The following C17orf78 variants were observed in gnomAD, a reference collection of about 807,000 sequenced individuals.
The protein encoded by C17orf78 is uncharacterized protein C17orf78.
A neutral mutation model predicts 31.8 loss-of-function variants in C17orf78; 27 were observed. That is an observed-to-expected ratio of 0.85 (90% CI 0.63 to 1.17). The LOEUF (loss-of-function observed/expected upper bound fraction) is 1.17. C17orf78 is among the 50% of genes most tolerant of loss of function. The pLI, the probability that C17orf78 is intolerant of heterozygous loss-of-function variation, is 0.00. For synonymous variants in C17orf78, 106 were observed against 115.1 expected (o/e 0.92, Z 0.51); for missense variants, 258 against 315.2 (o/e 0.82, Z 1.37).
chr17:37,387,915 A>T (rs531766572), intron 4 of C17orf78: 1 of 152,310 alleles, frequency 6.6e-6, no homozygotes, highest in South Asian at 2.1e-4. Context: ...GTAATATTCC[A>T]GCACTTTGGG....
intron 5 of C17orf78, 150 bp from the exon 6 acceptor site, chr17:37,389,096 T>TA: frequency 8.8e-7 from 1 of 1,132,608 alleles, no homozygotes; most frequent in Non-Finnish European, 1.2e-6. Context: ...CTGCTGTACT[T>TA]AGACATTTTC....
chr17:37,377,892 C>A lies in C17orf78; in HGVS notation c.72C>A (p.Ser24Arg). 6.2e-7 allele frequency: 1 copy of A among 1,613,376 alleles called. No individual in the cohort carries two copies. The highest frequency in any genetic ancestry group is 8.5e-7 in the Non-Finnish European group (1 of 1,179,626). The change falls in exon 2 of 7, where the codon AGC (serine) becomes AGA (arginine). Residue 24 changes from serine (S) to arginine (R), a missense_variant. Physicochemically the swap from Ser to Arg is moderately radical, Grantham distance 110. Coordinates refer to ENST00000615133, the MANE Select transcript of C17orf78 (RefSeq NM_173625.5). ...YDANKKDLRD[S>R]SCRLEQLPGI... ...GCTCACCCCCAGACCTCAGAGATAG[C>A]AGTTGCCGACTGGAACAGCTGCCTG... is the stretch of plus-strand genomic sequence containing the variant.
chr17:37,391,221 G>C (rs1467760768), intron 6 of C17orf78, among the ~76,000 whole-genome samples: 1 of 152,114 alleles, frequency 6.6e-6, no homozygotes, highest in African/African-American at 2.4e-5. Context: ...CTCGGTGACA[G>C]AGCGAGACTC....
chr17:37,381,132 G>T (rs1040050594), intron 3 of C17orf78, among the ~76,000 whole-genome samples: 1 of 151,790 alleles, frequency 6.6e-6, no homozygotes. Context: ...ACACTGTTCT[G>T]CCCCTTGCTT....
At chr17:37,383,555 T>C (rs1038683111) in intron 3 of C17orf78, among the ~76,000 whole-genome samples, 7 of 152,198 alleles carry the variant, frequency 4.6e-5, no homozygotes, top group African/African-American at 1.4e-4. Context: ...AAAAAACCTA[T>C]TTATTTATTT....
chr17:37,381,911 G>C (rs556649805), intron 3 of C17orf78, among the ~76,000 whole-genome samples: 1 of 152,164 alleles, frequency 6.6e-6, no homozygotes, highest in African/African-American at 2.4e-5. Context: ...ACAGGCGTGA[G>C]CCACTGCACC....
At chr17:37,390,187 T>TTATATATAAA (rs2050748171) in intron 6 of C17orf78, among the ~76,000 whole-genome samples, 2 of 44,688 alleles carry the variant, frequency 4.5e-5, no homozygotes, top group Non-Finnish European at 7.5e-5. Flanking sequence ...CACACACACA[T>TTATATATAAA]TATATATAAA....
At chr17:37,383,509 A>G (rs2050394338) in intron 3 of C17orf78, among the ~76,000 whole-genome samples, 1 of 152,250 alleles carries the variant, frequency 6.6e-6, no homozygotes, top group Non-Finnish European at 1.5e-5. Flanking sequence ...ATCATCACTC[A>G]TGATACATTT....
Position 37,390,307 on chromosome 17 carries a change from TATATATATA to T in C17orf78, c.750+946_750+954del, listed in dbSNP as rs2050793667. Among the ~76,000 whole-genome samples the T allele has an allele frequency of 4.4e-4, 19 of 42,952 alleles. 2 individuals carry two copies. In the East Asian group the frequency reaches 0.028, roughly 64 times the overall value. The allele number at this position is 42,952 out of a possible 152,430, so 28.2% of individuals were successfully genotyped here. ...TATAATTATATATTATACATAATTA[TATATATATA>T]TATATATATATATATATAAAAGGCC... On this transcript the variant is annotated intron_variant, in intron 6 of 6. Transcript: ENST00000615133.
chr17:37,381,923 G>A (rs766885301), intron 3 of C17orf78, among the ~76,000 whole-genome samples: 18 of 152,054 alleles, frequency 1.2e-4, no homozygotes, highest in Admixed American at 2.6e-4. Flanking sequence ...CACTGCACCC[G>A]GCCATGTCTC....
chr17:37,391,724 A>G lies in C17orf78; in HGVS notation c.828A>G (p.Ter276TrpextTer9). 1 of 1,613,128 alleles carries G rather than the reference A, an allele frequency of 6.2e-7. No homozygotes were observed. The highest frequency in any genetic ancestry group is 8.5e-7 in the Non-Finnish European group (1 of 1,179,244). The stretch of plus-strand genomic sequence containing the variant: ...CTGTTATCCACCAGACATACTTCTG[A>G]AAAGTTCTGCTCTATCTCAAAGACT... ...EITVIHQTYF[*>W] Residue 276 changes from the stop codon to tryptophan (W), a stop_lost, in exon 7 of 7, where the codon TGA becomes TGG. Transcript: ENST00000615133.
chr17:37,383,632 C>A (rs1257952454), intron 3 of C17orf78, among the ~76,000 whole-genome samples: 1 of 152,196 alleles, frequency 6.6e-6, no homozygotes, highest in African/African-American at 2.4e-5. Context: ...ACTGCAACCT[C>A]CGCCTCCCAG....
rs1016112644 is a variant in C17orf78 at position 37,391,970 on chromosome 17, C to T, written c.*246C>T. 21 of 512,538 alleles carry T rather than the reference C, an allele frequency of 4.1e-5. No homozygotes were observed. The highest frequency in any genetic ancestry group is 9.6e-5 in the South Asian group (3 of 31,254). The allele number at this position is 512,538 out of a possible 1,614,324, so 31.7% of individuals were successfully genotyped here. A position where few individuals can be genotyped will look rare whatever the true frequency, so the allele number is the denominator to read the frequency against. ...ATGGATACCTTTCCATCCCCTCAAA[C>T]GAGAACAAAAAGTATTCCCTGCAAG... is the stretch of plus-strand genomic sequence containing the variant. On this transcript the variant is annotated 3_prime_UTR_variant, in exon 7 of 7. Transcript: ENST00000615133.
chr17:37,377,835 C>T, intron 1 of C17orf78, 44 bp from the exon 2 acceptor site: 1 of 1,523,326 alleles, frequency 6.6e-7, no homozygotes, highest in Non-Finnish European at 9.1e-7. Context: ...TGATTTTCCC[C>T]AAACCTTCCC....
At chr17:37,390,991 A>G (rs1285830503) in intron 6 of C17orf78, among the ~76,000 whole-genome samples, 1 of 152,186 alleles carries the variant, frequency 6.6e-6, no homozygotes, top group African/African-American at 2.4e-5. Context: ...CTGTAATCCC[A>G]GCACTTTGGG....
In C17orf78 at chr17:37,386,067, C is replaced by T; in HGVS notation, c.450C>T (p.Pro150=). The change falls in exon 4 of 7, where the codon CCC becomes CCT. Residue 150 remains proline, a synonymous_variant. Coordinates refer to ENST00000615133, the MANE Select transcript of C17orf78 (RefSeq NM_173625.5). ...TGGGGGCTTCATCAGAGACTTTTCC[C>T]ACCACTGCCCCTTCTATAACTCCTG... ...KVLGASSETF[P]TTAPSITPGN... is the part of the protein sequence containing the mutation. 6.2e-7 allele frequency: 1 copy of T among 1,606,114 alleles called. No individual in the cohort carries two copies. The highest frequency in any genetic ancestry group is 8.5e-7 in the Non-Finnish European group (1 of 1,174,234).
chr17:37,388,389 T>C (rs2050642238), intron 4 of C17orf78, among the ~76,000 whole-genome samples: 1 of 152,008 alleles, frequency 6.6e-6, no homozygotes, highest in African/African-American at 2.4e-5. Flanking sequence ...CTGCGAGCAG[T>C]GTAAGAATCA....
At chr17:37,381,075 T>C (rs1002095953) in intron 3 of C17orf78, among the ~76,000 whole-genome samples, 3 of 152,068 alleles carry the variant, frequency 2.0e-5, no homozygotes, top group African/African-American at 2.4e-5. Context: ...ACTCTAAGAA[T>C]GTATGAATGT....
At chr17:37,380,157 C>T (rs1347286820) in intron 3 of C17orf78, among the ~76,000 whole-genome samples, 1 of 151,786 alleles carries the variant, frequency 6.6e-6, no homozygotes, top group East Asian at 1.9e-4. Context: ...TCATCATTCT[C>T]AGTAAACTAT....
Sources: allele counts gnomAD v4.1 joint callset (sites outside exome capture counted in the v4.1 genomes callset), GRCh38; gene constraint gnomAD v4.1.1; transcripts MANE v1.5; gene names NCBI Gene and HGNC (gene_info 2026-07-23, HGNC 2026-07-21).